Variants in CSMD3 observed in about 807,000 individuals in gnomAD.
The protein encoded by CSMD3 is CUB and Sushi multiple domains 3.
CSMD3 carries 177 observed loss-of-function variants against 435.2 expected under a neutral mutation model. That is an observed-to-expected ratio of 0.41 (90% CI 0.36 to 0.46). The LOEUF is 0.46. Among genes scored for constraint, CSMD3 ranks in the 20% least tolerant of loss-of-function variants. CSMD3 has a pLI of 0.34. For missense variants in CSMD3, 4,265 were observed against 4,504.6 expected (o/e 0.95, Z 1.52); for synonymous variants, 1,656 against 1,520.5 (o/e 1.09, Z -2.07).
intron 9 of CSMD3, among the ~76,000 whole-genome samples, chr8:112,932,124 C>A (rs976803640): frequency 6.6e-6 from 1 of 152,060 alleles, no homozygotes; most frequent in Non-Finnish European, 1.5e-5. Context: ...GAAATCAGTC[C>A]TTTGGGATAT....
At chr8:112,711,648 G>A (rs527511384) in intron 13 of CSMD3, among the ~76,000 whole-genome samples, 3 of 152,198 alleles carry the variant, frequency 2.0e-5, no homozygotes, top group African/African-American at 7.2e-5. Flanking sequence ...TCCAAAAATA[G>A]TATTCTGGAT....
intron 59 of CSMD3, among the ~76,000 whole-genome samples, chr8:112,266,074 C>T (rs1003524718): frequency 6.6e-6 from 1 of 152,100 alleles, no homozygotes; most frequent in African/African-American, 2.4e-5. Flanking sequence ...CTGGAATGTG[C>T]TTGTTATAAG....
intron 9 of CSMD3, among the ~76,000 whole-genome samples, chr8:112,934,892 T>C (rs1019446239): frequency 1.5e-4 from 23 of 152,192 alleles, no homozygotes; most frequent in Non-Finnish European, 2.8e-4. Context: ...TTTCCTTTTC[T>C]GTGCAAAAGT....
intron 11 of CSMD3, among the ~76,000 whole-genome samples, chr8:112,857,244 A>G (rs1191038848): frequency 6.6e-6 from 1 of 151,804 alleles, no homozygotes; most frequent in Admixed American, 6.6e-5. Flanking sequence ...TACATTTATT[A>G]ATAAAAAATA....
At chr8:113,326,686 G>A (rs2093986248) in intron 1 of CSMD3, among the ~76,000 whole-genome samples, 1 of 151,976 alleles carries the variant, frequency 6.6e-6, no homozygotes, top group Non-Finnish European at 1.5e-5. Flanking sequence ...CAAATTATCT[G>A]CTACTATTAA....
rs1482531495 is a variant in CSMD3 at position 113,399,606 on chromosome 8, T to TA, written c.178+37070dup. Reference sequence around the variant, plus strand: ...TTTCAGAATAGACAACATATAGAGATAAAAAAATAGAATAGCAGCTTCCTG... The same window carrying TA: ...TTTCAGAATAGACAACATATAGAGATAAAAAAAATAGAATAGCAGCTTCCTG... On this transcript the variant is annotated intron_variant, in intron 1 of 70. Transcript: ENST00000297405. Among the ~76,000 whole-genome samples the TA allele has an allele frequency of 4.6e-5, 7 of 151,778 alleles. No individual in the cohort carries two copies. The South Asian group carries it at 8.3e-4, about 18-fold the overall frequency.
At chr8:113,167,092 C>A (rs1376698850) in intron 4 of CSMD3, among the ~76,000 whole-genome samples, 1 of 151,960 alleles carries the variant, frequency 6.6e-6, no homozygotes, top group Non-Finnish European at 1.5e-5. Context: ...TTTTATTAGT[C>A]TAGAGTCTAC....
At chr8:112,534,258 A>G (rs1825830383) in intron 27 of CSMD3, among the ~76,000 whole-genome samples, 1 of 152,160 alleles carries the variant, frequency 6.6e-6, no homozygotes, top group Non-Finnish European at 1.5e-5. Flanking sequence ...AAGGATCAAC[A>G]AAATTGATAG....
At position 112,663,122 on chromosome 8, in the gene CSMD3, C is replaced by A. The variant is rs1394452081; in HGVS notation, c.2816+3155G>T. On this transcript the variant is annotated intron_variant, in intron 17 of 70. Transcript: ENST00000297405. ...AACTAGAAATACCATTTGACCCAGC[C>A]ATCCCATTACTGGGTATATACCCAA... Among the ~76,000 whole-genome samples, 8 of 152,096 alleles carry A rather than the reference C, an allele frequency of 5.3e-5. No homozygotes were observed. The East Asian group carries it at 7.7e-4, about 15-fold the overall frequency.
intron 11 of CSMD3, among the ~76,000 whole-genome samples, chr8:112,853,615 CT>C (rs1437417018): frequency 6.6e-6 from 1 of 152,174 alleles, no homozygotes; most frequent in Non-Finnish European, 1.5e-5. Flanking sequence ...ACATCTATAG[CT>C]GACAATTTGC....
At chr8:112,861,164 T>G (rs1330819687) in intron 10 of CSMD3, among the ~76,000 whole-genome samples, 1 of 151,878 alleles carries the variant, frequency 6.6e-6, no homozygotes, top group East Asian at 1.9e-4. Flanking sequence ...CAGTGTCCAG[T>G]GCTTCTTCCT....
intron 32 of CSMD3, among the ~76,000 whole-genome samples, chr8:112,452,546 A>G (rs1816402721): frequency 6.6e-6 from 1 of 152,216 alleles, no homozygotes; most frequent in African/African-American, 2.4e-5. Flanking sequence ...ATTTAATCTA[A>G]GAGATGTAAC....
intron 4 of CSMD3, among the ~76,000 whole-genome samples, chr8:113,151,391 T>C (rs2091802190): frequency 6.6e-6 from 1 of 151,902 alleles, no homozygotes; most frequent in African/African-American, 2.4e-5. Flanking sequence ...ATTGCAATTG[T>C]TACATTTTAA....
At chr8:112,228,926 T>C (rs1812827625) in intron 69 of CSMD3, 35 bp from the exon 70 acceptor site, 4 of 1,101,678 alleles carry the variant, frequency 3.6e-6, no homozygotes, top group Non-Finnish European at 5.4e-6. Context: ...AATACACAAC[T>C]CTTTTATCAT....
intron 3 of CSMD3, among the ~76,000 whole-genome samples, chr8:113,230,851 T>TG (rs796653035): frequency 1.1e-4 from 17 of 151,664 alleles, no homozygotes; most frequent in Non-Finnish European, 2.5e-4. Context: ...GTAATAATAC[T>TG]TTTTTATATG....
intron 13 of CSMD3, among the ~76,000 whole-genome samples, chr8:112,703,421 T>G (rs2131885891): frequency 6.6e-6 from 1 of 152,298 alleles, no homozygotes; most frequent in Non-Finnish European, 1.5e-5. Flanking sequence ...TGGCAGTGGC[T>G]AAAATTTGTA....
At chr8:112,355,655 A>C (rs1826525110) in intron 38 of CSMD3, among the ~76,000 whole-genome samples, 1 of 152,010 alleles carries the variant, frequency 6.6e-6, no homozygotes, top group Admixed American at 6.6e-5. Context: ...AACACGGTGA[A>C]ACCCCGTCTC....
Position 112,318,922 on chromosome 8 carries a change from T to C in CSMD3, c.7275A>G (p.Pro2425=). Residue 2425 remains proline, a synonymous_variant, in exon 47 of 71, where the codon CCA becomes CCG. Transcript: ENST00000297405. ...TTGCATTACCAACTAAAGTAAATCC[T>C]GGAAGACACTGATACCTAATAATAT... ...IGDIIRYQCL[P]GFTLVGNAIL... The C allele has an allele frequency of 1.9e-6, 3 of 1,611,106 alleles. No individual in the cohort carries two copies. Among genetic ancestry groups the C allele is most frequent in the South Asian group, 1.1e-5 (1 of 91,052 alleles).
At chr8:113,236,802 CATCT>C (rs545455365) in intron 3 of CSMD3, among the ~76,000 whole-genome samples, 17 of 152,218 alleles carry the variant, frequency 1.1e-4, no homozygotes, top group Middle Eastern at 3.4e-3. Context: ...AACCGCCTCT[CATCT>C]ATCTATCTAT....
Sources: gnomAD v4.1 joint callset for allele counts (sites outside exome capture counted in the v4.1 genomes callset) on GRCh38, gnomAD v4.1.1 for gene constraint, MANE v1.5 for transcripts, NCBI Gene and HGNC (gene_info 2026-07-23, HGNC 2026-07-21) for gene names.